The following CCDC141 variants were observed in gnomAD, a reference collection of about 807,000 sequenced individuals.
CCDC141 encodes the protein coiled-coil domain-containing protein 141.
CCDC141 carries 168 observed loss-of-function variants against 181.0 expected under a neutral mutation model. That is an observed-to-expected ratio of 0.93 (90% CI 0.82 to 1.05). CCDC141 has a LOEUF of 1.05. CCDC141 is among the 50% of genes least tolerant of loss of function. The pLI, the probability that CCDC141 is intolerant of heterozygous loss-of-function variation, is 0.00. For missense variants in CCDC141, 1,902 were observed against 1,788.5 expected (o/e 1.06, Z -1.14); for synonymous variants, 666 against 642.3 (o/e 1.04, Z -0.56).
At chr2:178,990,612 A>C (rs1692008177) in intron 2 of CCDC141, among the ~76,000 whole-genome samples, 3 of 131,030 alleles carry the variant, frequency 2.3e-5, no homozygotes, top group South Asian at 3.0e-4. Context: ...AGGGGAGGGA[A>C]GGGAAGGGAA....
chr2:179,016,157 G>A (rs2042535273), intron 2 of CCDC141, among the ~76,000 whole-genome samples: 1 of 144,458 alleles, frequency 6.9e-6, no homozygotes, highest in African/African-American at 2.5e-5. Context: ...AGGACACAAA[G>A]GCATAAGAAT....
chr2:178,975,500 C>G (rs983013234), intron 3 of CCDC141, among the ~76,000 whole-genome samples: 1 of 152,082 alleles, frequency 6.6e-6, no homozygotes, highest in Non-Finnish European at 1.5e-5. Context: ...TGTATACAGT[C>G]ACTTTCAACA....
chr2:179,004,037 G>A (rs1452053780), intron 2 of CCDC141, among the ~76,000 whole-genome samples: 4 of 152,140 alleles, frequency 2.6e-5, no homozygotes, highest in Non-Finnish European at 5.9e-5. Context: ...TAGAAATGTA[G>A]TAAACTTGGC....
chr2:178,999,374 T>C (rs1313471945), intron 2 of CCDC141, among the ~76,000 whole-genome samples: 2 of 152,076 alleles, frequency 1.3e-5, no homozygotes. Flanking sequence ...TCCATCCCCA[T>C]ACCTCAGTTT....
chr2:178,853,351 G>A (rs1402669383), intron 20 of CCDC141, 90 bp downstream of exon 20: 2 of 1,176,820 alleles, frequency 1.7e-6, no homozygotes, highest in Non-Finnish European at 2.5e-6. Flanking sequence ...AGGACCCTGA[G>A]GACTTGCCAC....
intron 6 of CCDC141, among the ~76,000 whole-genome samples, chr2:178,919,111 G>A (rs1054103456): frequency 1.3e-5 from 2 of 152,098 alleles, no homozygotes; most frequent in Non-Finnish European, 2.9e-5. Flanking sequence ...ACAGTAAGTT[G>A]GCAGTCTGCA....
chr2:178,916,925 CTCTTCT>C (rs531049104), intron 7 of CCDC141, among the ~76,000 whole-genome samples: 5 of 151,746 alleles, frequency 3.3e-5, no homozygotes, highest in African/African-American at 1.2e-4. Flanking sequence ...AGTAACCACT[CTCTTCT>C]TCTTCTTCTT....
downstream of CCDC141, among the ~76,000 whole-genome samples, chr2:178,828,844 C>G (rs192947464): frequency 2.0e-5 from 3 of 152,140 alleles, no homozygotes; most frequent in Non-Finnish European, 4.4e-5. Flanking sequence ...TTTTTATACT[C>G]AAAAGATTTT....
chr2:178,987,890 C>A (rs1157558392), intron 2 of CCDC141, among the ~76,000 whole-genome samples: 1 of 150,646 alleles, frequency 6.6e-6, no homozygotes, highest in Non-Finnish European at 1.5e-5. Context: ...ACTAGTTCAA[C>A]CATTGTGGAA....
At chr2:179,028,713 C>T (rs1047352697) in intron 2 of CCDC141, among the ~76,000 whole-genome samples, 1 of 152,130 alleles carries the variant, frequency 6.6e-6, no homozygotes, top group African/African-American at 2.4e-5. Context: ...TAATTCATTA[C>T]TTTATCAAAA....
chr2:178,822,091 G>A, the CCDC141 span, among the ~76,000 whole-genome samples: 1 of 152,026 alleles, frequency 6.6e-6, no homozygotes, highest in Non-Finnish European at 1.5e-5. Flanking sequence ...AAAATGATGA[G>A]TTCATGTCCT....
At chr2:178,848,247 G>A (rs1358722452) in intron 21 of CCDC141, among the ~76,000 whole-genome samples, 1 of 152,188 alleles carries the variant, frequency 6.6e-6, no homozygotes, top group East Asian at 1.9e-4. Context: ...GAGCATAGTA[G>A]ATCAGTGGGA....
At chr2:178,852,354 C>G (rs1685199339) in intron 20 of CCDC141, among the ~76,000 whole-genome samples, 1 of 151,964 alleles carries the variant, frequency 6.6e-6, no homozygotes, top group Non-Finnish European at 1.5e-5. Context: ...TAGAGAAGAC[C>G]AATAGGTATT....
intron 6 of CCDC141, among the ~76,000 whole-genome samples, chr2:178,927,889 C>T (rs1403740109): frequency 6.6e-6 from 1 of 152,106 alleles, no homozygotes; most frequent in Non-Finnish European, 1.5e-5. Flanking sequence ...AGCAATTTCA[C>T]TCTGTGTGAC....
At chr2:179,006,058 T>C (rs1328660157) in intron 2 of CCDC141, among the ~76,000 whole-genome samples, 2 of 152,160 alleles carry the variant, frequency 1.3e-5, no homozygotes, top group African/African-American at 4.8e-5. Flanking sequence ...TAGCTCTCAG[T>C]CCAGGTACCA....
intron 17 of CCDC141, among the ~76,000 whole-genome samples, chr2:178,861,205 T>C (rs1037120143): frequency 5.3e-5 from 8 of 152,028 alleles, no homozygotes; most frequent in Middle Eastern, 3.2e-3. Flanking sequence ...CTCACTCTCT[T>C]GTCCAGGCTA....
chr2:178,858,338 G>C (rs1201842343), intron 17 of CCDC141, among the ~76,000 whole-genome samples: 2 of 152,034 alleles, frequency 1.3e-5, no homozygotes, highest in Non-Finnish European at 2.9e-5. Context: ...TAACAGGAAA[G>C]GATAAATAAT....
chr2:178,956,890 T>A (rs1690184003), intron 5 of CCDC141, among the ~76,000 whole-genome samples: 1 of 152,176 alleles, frequency 6.6e-6, no homozygotes, highest in Non-Finnish European at 1.5e-5. Context: ...AAGCTTTTTT[T>A]TTTTTTGAGA....
chr2:178,973,332 C>T (rs1172384664), intron 4 of CCDC141, among the ~76,000 whole-genome samples: 1 of 152,142 alleles, frequency 6.6e-6, no homozygotes, highest in East Asian at 1.9e-4. Flanking sequence ...AGGGCACAAA[C>T]TCTCACAATA....
Sources: allele counts gnomAD v4.1 joint callset (sites outside exome capture counted in the v4.1 genomes callset), GRCh38; gene constraint gnomAD v4.1.1; transcripts MANE v1.5; gene names NCBI Gene and HGNC (gene_info 2026-07-23, HGNC 2026-07-21).